Variants in ZNF454 observed in about 807,000 individuals in gnomAD.
The protein encoded by ZNF454 is zinc finger protein 454.
ZNF454 carries 30 observed loss-of-function variants against 48.2 expected under a neutral mutation model. The observed-to-expected ratio is 0.62, with a 90% CI of 0.47 to 0.84. The LOEUF is 0.84. Ranked by LOEUF, ZNF454 falls within the 40% of genes least tolerant of loss-of-function variation. ZNF454 has a pLI of 0.00. For synonymous variants in ZNF454, 204 were observed against 211.4 expected, an observed-to-expected ratio of 0.97 and a Z score of 0.30; for missense variants, 510 against 623.1, an observed-to-expected ratio of 0.82 and a Z score of 1.93.
chr5:178,942,601 C>T, intron 1 of ZNF454, 84 bp from the exon 2 acceptor site: 2 of 559,740 alleles, frequency 3.6e-6, no homozygotes, highest in South Asian at 2.6e-5. Flanking sequence ...GCTTGGGGTA[C>T]TGGAGGCCTC....
the ZNF454 span, among the ~76,000 whole-genome samples, chr5:178,976,863 G>GGT: frequency 6.6e-6 from 1 of 152,204 alleles, no homozygotes; most frequent in Non-Finnish European, 1.5e-5. Flanking sequence ...TAACTCAGAT[G>GGT]TTGATACTAC....
At chr5:178,973,114 T>C in the ZNF454 span, among the ~76,000 whole-genome samples, 1 of 149,700 alleles carries the variant, frequency 6.7e-6, no homozygotes, top group Non-Finnish European at 1.5e-5. Flanking sequence ...TTCCTTTTGC[T>C]GTCTCTCTCT....
chr5:178,986,407 ACGATGGGCGTGT>A, the ZNF454 span: 1 of 1,613,782 alleles, frequency 6.2e-7, no homozygotes, highest in Non-Finnish European at 8.5e-7. Flanking sequence ...CGAGGCCCGG[ACGATGGGCGTGT>A]TGTTGTACCG....
chr5:178,988,346 G>C, the ZNF454 span, among the ~76,000 whole-genome samples: 1 of 152,182 alleles, frequency 6.6e-6, no homozygotes, highest in African/African-American at 2.4e-5. The surrounding 1 kb of genome is among the most constrained non-coding windows in gnomAD (Gnocchi z 6.0). Flanking sequence ...AAGGTGGTGA[G>C]TGAGTGTTCA....
chr5:178,941,321 C>G lies in ZNF454; in HGVS notation c.-231C>G, dbSNP rs1561690843. 2.2e-6 allele frequency: 1 copy of G among 450,928 alleles called. No homozygotes were observed. The highest frequency in any genetic ancestry group is 4.5e-6 in the Non-Finnish European group (1 of 223,606). The allele number at this position is 450,928 out of a possible 1,614,324, so 27.9% of individuals were successfully genotyped here. A position where few individuals can be genotyped will look rare whatever the true frequency, so the allele number is the denominator to read the frequency against. The stretch of plus-strand genomic sequence containing the variant: ...GCTGACCAGGCACGGTGGTCAAAGC[C>G]GCAGAGGGAGAGCGGGAGCGGTCGT... On this transcript the variant is annotated 5_prime_UTR_variant, in exon 1 of 5. Coordinates refer to ENST00000519564, the MANE Select transcript of ZNF454 (RefSeq NM_001178089.3). The surrounding 1 kb of genome is among the most constrained non-coding windows in gnomAD (Gnocchi z 5.5).
chr5:178,975,525 A>G, the ZNF454 span, among the ~76,000 whole-genome samples: 1 of 152,242 alleles, frequency 6.6e-6, no homozygotes, highest in Non-Finnish European at 1.5e-5. Context: ...TGTACAAAAG[A>G]TGTTGCTAAA....
intron 2 of ZNF454, among the ~76,000 whole-genome samples, chr5:178,945,289 G>T (rs1202961559): frequency 6.6e-6 from 1 of 150,760 alleles, no homozygotes; most frequent in African/African-American, 2.4e-5. Context: ...ATGTGCATGC[G>T]CACTTGTGTG....
the ZNF454 span, chr5:178,989,144 G>A: frequency 6.2e-7 from 1 of 1,612,998 alleles, no homozygotes; most frequent in Non-Finnish European, 8.5e-7. Flanking sequence ...GCCTGTCCTA[G>A]GGATGCCCAG....
At chr5:178,942,961 A>C (rs1581853472) in intron 2 of ZNF454, 137 bp downstream of exon 2, 1 of 842,622 alleles carries the variant, frequency 1.2e-6, no homozygotes, top group East Asian at 2.8e-5. Context: ...CCCAACCAAC[A>C]CCCTCCAACC....
chr5:178,984,736 C>T, the ZNF454 span, among the ~76,000 whole-genome samples: 4 of 152,272 alleles, frequency 2.6e-5, no homozygotes, highest in East Asian at 7.7e-4. Flanking sequence ...ACGGGAGCAC[C>T]TCCTAGTCAC....
At chr5:178,968,917 A>G (rs935680041), downstream of ZNF454, 4 of 455,604 alleles carry the variant, frequency 8.8e-6, no homozygotes, top group African/African-American at 6.0e-5. Context: ...CATTAAGTGC[A>G]GGCTGAAGGC....
chr5:178,942,946 C>A (rs1759168861), intron 2 of ZNF454, 122 bp downstream of exon 2: 12 of 1,119,550 alleles, frequency 1.1e-5, no homozygotes, highest in Admixed American at 2.5e-5. Flanking sequence ...CCTCAGTTGC[C>A]TCTCCCCAAC....
the ZNF454 span, among the ~76,000 whole-genome samples, chr5:178,973,423 AAGAAATTCC>A: frequency 3.9e-5 from 6 of 152,228 alleles, no homozygotes; most frequent in Admixed American, 2.0e-4. Context: ...TGCAGTGAAG[AAGAAATTCC>A]AAAGTTGGAA....
At chr5:178,945,805 G>T (rs1280106941) in intron 2 of ZNF454, among the ~76,000 whole-genome samples, 1 of 151,960 alleles carries the variant, frequency 6.6e-6, no homozygotes, top group Non-Finnish European at 1.5e-5. Flanking sequence ...CATGGGCCGT[G>T]TTCCAGATGC....
At chr5:178,971,453 A>T in the ZNF454 span, among the ~76,000 whole-genome samples, 1 of 151,992 alleles carries the variant, frequency 6.6e-6, no homozygotes, top group Admixed American at 6.6e-5. Flanking sequence ...AGGCAGAGGA[A>T]TGTTGCTTCT....
chr5:178,950,232 T>G (rs1759498983), intron 4 of ZNF454, among the ~76,000 whole-genome samples: 1 of 152,204 alleles, frequency 6.6e-6, no homozygotes, highest in African/African-American at 2.4e-5. Context: ...CCTTCTTAGT[T>G]TTTCTATTCT....
downstream of ZNF454, chr5:178,969,353 T>A (rs747470986): frequency 6.6e-5 from 28 of 425,332 alleles, no homozygotes; most frequent in Non-Finnish European, 1.1e-4. Context: ...TGTTAGACAT[T>A]TCAGTACTTA....
At chr5:178,972,134 A>AT in the ZNF454 span, among the ~76,000 whole-genome samples, 43 of 152,142 alleles carry the variant, frequency 2.8e-4, no homozygotes, top group African/African-American at 9.6e-4. Context: ...GGGTTTCACC[A>AT]TATTGTCCAG....
chr5:178,941,992 G>A lies in ZNF454; in HGVS notation c.-108+548G>A, dbSNP rs1759109665. On this transcript the variant is annotated intron_variant, in intron 1 of 4. Transcript: ENST00000519564. This position sits in a 1 kb window ranked among gnomAD's most constrained non-coding sequence, Gnocchi z 5.5. ...CAGCTGTTCCAAAGCCGCAGAGGGA[G>A]AGCGGAGCGGTCTTCCAATCCAGTC... Among the ~76,000 whole-genome samples, 1 of 152,222 alleles carries A rather than the reference G, an allele frequency of 6.6e-6. No homozygotes were observed. Among genetic ancestry groups the A allele is most frequent in the African/African-American group, 2.4e-5 (1 of 41,462 alleles).
Sources: allele counts gnomAD v4.1 joint callset (sites outside exome capture counted in the v4.1 genomes callset), GRCh38; gene constraint gnomAD v4.1.1; non-coding constraint Gnocchi (gnomAD v3.1); transcripts MANE v1.5; gene names NCBI Gene and HGNC (gene_info 2026-07-23, HGNC 2026-07-21).